Variants in SPTBN1 observed in about 807,000 individuals in gnomAD.
The protein encoded by SPTBN1 is spectrin beta chain, non-erythrocytic 1.
Under a neutral mutation model 266.4 loss-of-function variants are expected in SPTBN1, and 32 were observed. The ratio of observed to expected loss-of-function variants is 0.12; its 90% confidence interval spans 0.09 to 0.16. SPTBN1 has a LOEUF of 0.16. Ranked by LOEUF, SPTBN1 falls within the 10% of genes least tolerant of loss-of-function variation. SPTBN1 has a pLI of 1.00. For missense variants in SPTBN1, 2,296 were observed against 3,067.1 expected, an observed-to-expected ratio of 0.75 and a Z score of 5.94; for synonymous variants, 1,336 against 1,162.2, an observed-to-expected ratio of 1.15 and a Z score of -3.04.
chr2:54,464,655 G>C (rs574407421), intron 1 of SPTBN1, among the ~76,000 whole-genome samples: 4 of 151,964 alleles, frequency 2.6e-5, no homozygotes, highest in Admixed American at 6.6e-5. Context: ...CATTTGTTTT[G>C]GTTTGTTTGA....
At chr2:54,498,776 A>G (rs1324536573) in intron 1 of SPTBN1, among the ~76,000 whole-genome samples, 1 of 152,158 alleles carries the variant, frequency 6.6e-6, no homozygotes, top group Non-Finnish European at 1.5e-5. Context: ...CATTTATTTG[A>G]TAAATATGTC....
Position 54,668,674 on chromosome 2 carries a change from T to G in SPTBN1, c.*105T>G. 1.4e-5 allele frequency: 12 copies of G among 853,604 alleles called. No individual in the cohort carries two copies. The highest frequency in any genetic ancestry group is 4.5e-5 in the East Asian group (1 of 22,208). The allele number at this position is 853,604 out of a possible 1,614,324, so 52.9% of individuals were successfully genotyped here. A position where few individuals can be genotyped will look rare whatever the true frequency, so the allele number is the denominator to read the frequency against. On this transcript the variant is annotated 3_prime_UTR_variant, in exon 36 of 36. Transcript: ENST00000356805. ...TCTCTGTGCCTAATGTTCCTCAATG[T>G]GGTTGATTTTTTTTTTTTTTTAATT...
Position 54,558,990 on chromosome 2 carries a change from C to A in SPTBN1, c.148+32424C>A. The A allele has an allele frequency of 7.3e-7, 1 of 1,374,340 alleles. No individual in the cohort carries two copies. Among genetic ancestry groups the A allele is most frequent in the Non-Finnish European group, 9.8e-7 (1 of 1,020,142 alleles). 85.1% of individuals were successfully genotyped at this position (1,374,340 alleles called of 1,614,324 possible). A position where few individuals can be genotyped will look rare whatever the true frequency, so the allele number is the denominator to read the frequency against. Reference sequence around the variant, plus strand: ...AAGACGGGCGGCTTCACAGCTCGGCCCCAGACCCTGTGGTTGGCTGCGGGC... The same window carrying A: ...AAGACGGGCGGCTTCACAGCTCGGCACCAGACCCTGTGGTTGGCTGCGGGC... On this transcript the variant is annotated intron_variant, in intron 2 of 35. Coordinates refer to ENST00000356805, the MANE Select transcript of SPTBN1 (RefSeq NM_003128.3). This position sits in a 1 kb window ranked among gnomAD's most constrained non-coding sequence, Gnocchi z 4.6.
intron 1 of SPTBN1, among the ~76,000 whole-genome samples, chr2:54,482,237 G>A (rs1162790419): frequency 2.6e-5 from 4 of 152,058 alleles, no homozygotes; most frequent in African/African-American, 9.7e-5. Flanking sequence ...GGTGTCAGCC[G>A]GGCATGGTGG....
chr2:54,661,208 T>C, intron 32 of SPTBN1: 1 of 985,724 alleles, frequency 1.0e-6, no homozygotes, highest in Non-Finnish European at 1.2e-6. Context: ...CCAGCAGGAA[T>C]TGAAAATGTT....
chr2:54,611,431 A>G (rs1382980363), intron 3 of SPTBN1, among the ~76,000 whole-genome samples: 2 of 152,130 alleles, frequency 1.3e-5, no homozygotes, highest in African/African-American at 2.4e-5. Context: ...AGTATATTTT[A>G]TAGTAGATGT....
rs1172403647 is a variant in SPTBN1, at chr2:54,664,033, C to G, written c.6421-420C>G. The G allele has an allele frequency of 6.3e-6, 1 of 158,056 alleles. No individual in the cohort carries two copies. The highest frequency in any genetic ancestry group is 2.4e-5 in the African/African-American group (1 of 41,556). The allele number at this position is 158,056 out of a possible 1,614,324, so 9.8% of individuals were successfully genotyped here. On this transcript the variant is annotated intron_variant, in intron 32 of 35. Coordinates refer to ENST00000356805, the MANE Select transcript of SPTBN1 (RefSeq NM_003128.3). The surrounding 1 kb of genome is among the most constrained non-coding windows in gnomAD (Gnocchi z 5.6). ...TGTCTATCGGTCTGTTTGTGAATGC[C>G]CTTTCGCTTAAACTTCCAGCCCTTC...
chr2:54,498,578 G>C (rs995217488), intron 1 of SPTBN1, among the ~76,000 whole-genome samples: 1 of 152,114 alleles, frequency 6.6e-6, no homozygotes, highest in Non-Finnish European at 1.5e-5. Flanking sequence ...TATTTGTAAA[G>C]GGCTTAGACC....
At chr2:54,461,563 C>T (rs1180022206) in intron 1 of SPTBN1, among the ~76,000 whole-genome samples, 1 of 152,188 alleles carries the variant, frequency 6.6e-6, no homozygotes, top group African/African-American at 2.4e-5. Context: ...GATCGTGTTC[C>T]CACTAGCCAT....
chr2:54,481,723 A>G (rs926165175), intron 1 of SPTBN1, among the ~76,000 whole-genome samples: 1 of 152,178 alleles, frequency 6.6e-6, no homozygotes, highest in African/African-American at 2.4e-5. Flanking sequence ...GCATAGTGGT[A>G]AGAGCTTACT....
chr2:54,623,631 C>T, intron 10 of SPTBN1, 35 bp downstream of exon 10: 2 of 1,535,870 alleles, frequency 1.3e-6, no homozygotes, highest in Non-Finnish European at 1.8e-6. Context: ...GGGCCCTGAC[C>T]TCCTGGAGGC....
At chr2:54,593,285 T>C (rs890599900) in intron 2 of SPTBN1, among the ~76,000 whole-genome samples, 2 of 152,172 alleles carry the variant, frequency 1.3e-5, no homozygotes, top group African/African-American at 2.4e-5. Context: ...TTGGTAGAAT[T>C]TGTGGTCCTG....
chr2:54,603,092 A>C (rs932135932), intron 3 of SPTBN1, among the ~76,000 whole-genome samples: 1 of 152,196 alleles, frequency 6.6e-6, no homozygotes. Flanking sequence ...TGCCAGATGA[A>C]TGGCCCCAGA....
At chr2:54,544,593 T>G (rs1558824195) in intron 2 of SPTBN1, among the ~76,000 whole-genome samples, 2 of 152,152 alleles carry the variant, frequency 1.3e-5, no homozygotes, top group African/African-American at 4.8e-5. Context: ...ATGACTAATT[T>G]AAAACAGGAG....
intron 3 of SPTBN1, among the ~76,000 whole-genome samples, chr2:54,607,385 G>A (rs940071491): frequency 3.9e-5 from 6 of 152,230 alleles, no homozygotes; most frequent in Non-Finnish European, 1.5e-5. Flanking sequence ...CACTTTGGGA[G>A]GCCAAGGTGG....
At chr2:54,584,464 A>G (rs1298302768) in intron 2 of SPTBN1, among the ~76,000 whole-genome samples, 4 of 152,224 alleles carry the variant, frequency 2.6e-5, no homozygotes, top group African/African-American at 9.6e-5. Context: ...TGATATCACT[A>G]CTTACCTTCT....
chr2:54,463,480 A>C (rs1693472196), intron 1 of SPTBN1, among the ~76,000 whole-genome samples: 1 of 152,230 alleles, frequency 6.6e-6, no homozygotes. Flanking sequence ...CCTGGGCCCC[A>C]GGCTTCAGGC....
chr2:54,625,829 G>T lies in SPTBN1; in HGVS notation c.1342-103G>T. The T allele has an allele frequency of 3.1e-6, 4 of 1,292,096 alleles. No homozygotes were observed. The South Asian group carries it at 5.8e-5, about 19-fold the overall frequency. 80.0% of individuals were successfully genotyped at this position (1,292,096 alleles called of 1,614,324 possible). The stretch of plus-strand genomic sequence containing the variant: ...TAGTCTCGAACTCCTGACCTCAAGT[G>T]ATCTGCCCGCCTCGGCCTCCCAAAG... On this transcript the variant is annotated intron_variant, in intron 11 of 35. Transcript: ENST00000356805.
At chr2:54,631,780 C>T (rs1417099085) in intron 16 of SPTBN1, among the ~76,000 whole-genome samples, 169 bp downstream of exon 16, 3 of 152,066 alleles carry the variant, frequency 2.0e-5, no homozygotes, top group Non-Finnish European at 2.9e-5. Flanking sequence ...AAATCCATCA[C>T]GTTGTAGGGG....
Sources: allele counts gnomAD v4.1 joint callset (sites outside exome capture counted in the v4.1 genomes callset), GRCh38; gene constraint gnomAD v4.1.1; non-coding constraint Gnocchi (gnomAD v3.1); transcripts MANE v1.5; gene names NCBI Gene and HGNC (gene_info 2026-07-23, HGNC 2026-07-21).